Variants in MBD5 observed in about 807,000 individuals in gnomAD.
MBD5 encodes the protein methyl-CpG binding domain protein 5, also known as methyl-CpG-binding domain protein 5.
MBD5 carries 13 observed loss-of-function variants against 117.3 expected under a neutral mutation model. The ratio of observed to expected loss-of-function variants is 0.11; its 90% CI spans 0.07 to 0.18. MBD5 has a LOEUF of 0.18. Among genes scored for constraint, MBD5 ranks in the 10% least tolerant of loss-of-function variants. The probability of loss-of-function intolerance (pLI) is 1.00; values close to 1 mark genes in which losing one functional copy is unlikely to be tolerated. For missense variants in MBD5, 1,879 were observed against 2,093.8 expected, an observed-to-expected ratio of 0.90 and a Z score of 2.00; for synonymous variants, 727 against 766.4, an observed-to-expected ratio of 0.95 and a Z score of 0.85.
intron 4 of MBD5, among the ~76,000 whole-genome samples, chr2:148,361,232 C>T (rs907075889): frequency 6.6e-6 from 1 of 152,142 alleles, no homozygotes; most frequent in Non-Finnish European, 1.5e-5. Context: ...TGCCTGTAAT[C>T]CTAGCTACTG....
At chr2:148,207,465 A>C (rs923550006) in intron 2 of MBD5, among the ~76,000 whole-genome samples, 12 of 150,840 alleles carry the variant, frequency 8.0e-5, no homozygotes, top group African/African-American at 1.5e-4. Flanking sequence ...CAAAAAAAAA[A>C]CCCTTAAAAA....
chr2:148,166,422 C>T (rs1329381277), intron 1 of MBD5, among the ~76,000 whole-genome samples: 1 of 152,130 alleles, frequency 6.6e-6, no homozygotes, highest in Non-Finnish European at 1.5e-5. Context: ...AAAAATCAGG[C>T]ATTACTGCTG....
chr2:148,196,519 G>T (rs1250862676), intron 2 of MBD5, among the ~76,000 whole-genome samples: 1 of 152,112 alleles, frequency 6.6e-6, no homozygotes, highest in Non-Finnish European at 1.5e-5. Context: ...GGTAAGCTTT[G>T]TTACTCAGAA....
intron 1 of MBD5, among the ~76,000 whole-genome samples, chr2:148,142,704 C>T (rs772448704): frequency 6.6e-6 from 1 of 152,010 alleles, no homozygotes; most frequent in Non-Finnish European, 1.5e-5. Context: ...AAACTAAGAG[C>T]GAAACCAAGT....
intron 3 of MBD5, among the ~76,000 whole-genome samples, chr2:148,254,711 T>TTGTTC (rs1184858478): frequency 2.6e-5 from 4 of 152,190 alleles, no homozygotes; most frequent in African/African-American, 9.6e-5. Context: ...GTGGGACTGC[T>TTGTTC]TGTTCCACCA....
intron 4 of MBD5, among the ~76,000 whole-genome samples, chr2:148,456,544 T>A (rs1358657709): frequency 2.0e-5 from 3 of 152,104 alleles, no homozygotes; most frequent in Non-Finnish European, 4.4e-5. Flanking sequence ...AACTGTTGAA[T>A]GAAATATGAA....
chr2:148,357,189 C>T (rs1454589181), intron 4 of MBD5, among the ~76,000 whole-genome samples: 1 of 152,170 alleles, frequency 6.6e-6, no homozygotes, highest in African/African-American at 2.4e-5. Context: ...TTAAAATTGA[C>T]ATTTTGTACC....
chr2:148,479,268 T>G (rs1189562265), intron 8 of MBD5, among the ~76,000 whole-genome samples: 1 of 152,170 alleles, frequency 6.6e-6, no homozygotes, highest in African/African-American at 2.4e-5. Flanking sequence ...CCTGCACCCA[T>G]CTCCTTTCCA....
intron 3 of MBD5, among the ~76,000 whole-genome samples, chr2:148,319,681 A>AG (rs1275719797): frequency 6.6e-6 from 1 of 152,210 alleles, no homozygotes. Context: ...GCTAGATATA[A>AG]GATCATATCA....
At chr2:148,479,497 G>C (rs544868441) in intron 8 of MBD5, among the ~76,000 whole-genome samples, 35 of 152,170 alleles carry the variant, frequency 2.3e-4, no homozygotes, top group Admixed American at 1.6e-3. Context: ...GACTGTATTA[G>C]GTCTTGGAAA....
chr2:148,407,339 A>AGTGTGTGTGTGTGT (rs34324249), intron 4 of MBD5, among the ~76,000 whole-genome samples: 3 of 140,106 alleles, frequency 2.1e-5, no homozygotes, highest in African/African-American at 7.8e-5. Flanking sequence ...TGGCTTTCTG[A>AGTGTGTGTGTGTGT]GTGTGTGTGT....
rs1681240485 is a variant in MBD5 at position 148,483,700 on chromosome 2, CCAAGCAATCAGT to C, written c.3112_3123del (p.Ser1038_Ser1041del). The C allele has an allele frequency of 6.4e-7, 1 of 1,550,528 alleles. No homozygotes were observed. Among genetic ancestry groups the C allele is most frequent in the South Asian group, 1.2e-5 (1 of 84,072 alleles). On this transcript the variant is annotated inframe_deletion, in exon 9 of 14. Transcript: ENST00000642680. ...GATGACAGCCCCACCAGACCATTTG[CCAAGCAATCAGT>C]CAGACAACAGCCGAGCTGAGACCCT...
At chr2:148,297,282 G>C (rs530131917) in intron 3 of MBD5, among the ~76,000 whole-genome samples, 3 of 152,110 alleles carry the variant, frequency 2.0e-5, no homozygotes, top group Admixed American at 6.5e-5. Flanking sequence ...TGTCATTGTT[G>C]TTGGCCTGTT....
At chr2:148,297,035 C>T (rs1465578374) in intron 3 of MBD5, among the ~76,000 whole-genome samples, 3 of 151,128 alleles carry the variant, frequency 2.0e-5, no homozygotes, top group Admixed American at 2.0e-4. Flanking sequence ...CCACCACGCC[C>T]GACTAATTGT....
chr2:148,133,161 T>C (rs866195245), intron 1 of MBD5, among the ~76,000 whole-genome samples: 1 of 152,212 alleles, frequency 6.6e-6, no homozygotes, highest in East Asian at 1.9e-4. Flanking sequence ...GCAATCACTT[T>C]TAAAGGAAGC....
chr2:148,124,743 GC>G (rs1373611553), intron 1 of MBD5, among the ~76,000 whole-genome samples: 1 of 151,836 alleles, frequency 6.6e-6, no homozygotes, highest in Non-Finnish European at 1.5e-5. Context: ...ATTTCAAAAT[GC>G]AAAATTTTTT....
chr2:148,292,894 A>G (rs1440581084), intron 3 of MBD5, among the ~76,000 whole-genome samples: 1 of 151,492 alleles, frequency 6.6e-6, no homozygotes, highest in Non-Finnish European at 1.5e-5. Flanking sequence ...TCAGCCATAA[A>G]AAAAAAAAAG....
chr2:148,118,435 A>AAAAAATAT lies in MBD5; in HGVS notation c.-924-60264_-924-60263insAAAATATA, dbSNP rs1021339753. Among the ~76,000 whole-genome samples, 986 of 148,526 alleles carry AAAAAATAT rather than the reference A, an allele frequency of 6.6e-3. 9 individuals carry two copies. Among genetic ancestry groups the AAAAAATAT allele is most frequent in the African/African-American group, 0.023 (915 of 40,426 alleles). ...GACCAGCCTGGGCAACATAAAAAAA[A>AAAAAATAT]ATATATATATATATATAGTTTAAAT... On this transcript the variant is annotated intron_variant, in intron 1 of 13. Coordinates refer to ENST00000642680, the MANE Select transcript of MBD5 (RefSeq NM_001378120.1).
chr2:148,083,998 T>C (rs1330677426), intron 1 of MBD5, among the ~76,000 whole-genome samples: 2 of 152,208 alleles, frequency 1.3e-5, no homozygotes, highest in African/African-American at 4.8e-5. Context: ...ACATTTTCAA[T>C]ACCAGAAGAC....
Sources: allele counts gnomAD v4.1 joint callset (sites outside exome capture counted in the v4.1 genomes callset), GRCh38; gene constraint gnomAD v4.1.1; transcripts MANE v1.5; gene names NCBI Gene and HGNC (gene_info 2026-07-23, HGNC 2026-07-21).